Variants in SLC24A2 observed in about 807,000 individuals in gnomAD.
SLC24A2 encodes sodium/potassium/calcium exchanger 2.
A neutral mutation model predicts 62.0 loss-of-function variants in SLC24A2; 36 were observed. That is an observed-to-expected ratio of 0.58 (90% CI 0.44 to 0.77). The LOEUF is 0.77. Ranked by LOEUF, SLC24A2 falls within the 30% of genes least tolerant of loss-of-function variation. SLC24A2 has a pLI of 0.00. For missense variants in SLC24A2, 846 were observed against 817.9 expected (o/e 1.03, Z -0.42); for synonymous variants, 358 against 294.0 (o/e 1.22, Z -2.23).
the SLC24A2 span, among the ~76,000 whole-genome samples, chr9:20,249,988 A>G: frequency 2.0e-5 from 3 of 152,338 alleles, no homozygotes; most frequent in African/African-American, 4.8e-5. Context: ...GAAAATTTAC[A>G]TTTATAAATT....
At chr9:19,867,734 C>T in the SLC24A2 span, among the ~76,000 whole-genome samples, 10 of 152,096 alleles carry the variant, frequency 6.6e-5, no homozygotes, top group African/African-American at 2.2e-4. Context: ...ATGGTGAAAC[C>T]CCGTCTCTAC....
the SLC24A2 span, among the ~76,000 whole-genome samples, chr9:20,215,838 G>A: frequency 6.6e-6 from 1 of 151,708 alleles, no homozygotes; most frequent in African/African-American, 2.4e-5. Flanking sequence ...TTTGGTCCAA[G>A]GAGTGAGCAC....
chr9:19,561,814 T>A (rs1245852280), intron 7 of SLC24A2, among the ~76,000 whole-genome samples: 2 of 152,144 alleles, frequency 1.3e-5, no homozygotes, highest in Non-Finnish European at 2.9e-5. Flanking sequence ...CATCATATGG[T>A]TTGTTTTATA....
chr9:19,668,724 C>T (rs1260318265), intron 2 of SLC24A2, among the ~76,000 whole-genome samples: 1 of 152,204 alleles, frequency 6.6e-6, no homozygotes, highest in Non-Finnish European at 1.5e-5. Context: ...GATATCTTCA[C>T]ACACAGATAC....
chr9:20,025,524 GTAA>G, the SLC24A2 span, among the ~76,000 whole-genome samples: 1 of 152,258 alleles, frequency 6.6e-6, no homozygotes, highest in African/African-American at 2.4e-5. Context: ...CTCCCTGGTA[GTAA>G]TAATAATAAT....
the SLC24A2 span, among the ~76,000 whole-genome samples, chr9:20,047,585 G>A: frequency 2.1e-5 from 3 of 140,900 alleles, no homozygotes; most frequent in Non-Finnish European, 4.8e-5. Context: ...CCTCCATGAG[G>A]AAGTGGGCCC....
At chr9:19,945,395 C>T in the SLC24A2 span, among the ~76,000 whole-genome samples, 2 of 152,108 alleles carry the variant, frequency 1.3e-5, no homozygotes, top group African/African-American at 2.4e-5. Context: ...GGACTCCTTT[C>T]GTGTAAAAAC....
intron 2 of SLC24A2, among the ~76,000 whole-genome samples, chr9:19,783,533 C>T (rs1400327873): frequency 6.6e-6 from 1 of 152,142 alleles, no homozygotes; most frequent in Non-Finnish European, 1.5e-5. Flanking sequence ...TAGATGACCA[C>T]ACTCCAGGAT....
At chr9:20,285,166 A>T in the SLC24A2 span, among the ~76,000 whole-genome samples, 1 of 152,200 alleles carries the variant, frequency 6.6e-6, no homozygotes, top group African/African-American at 2.4e-5. Context: ...CCTGTTACCG[A>T]CTGAATCATG....
At chr9:20,202,775 A>G in the SLC24A2 span, among the ~76,000 whole-genome samples, 1 of 152,208 alleles carries the variant, frequency 6.6e-6, no homozygotes, top group East Asian at 1.9e-4. Flanking sequence ...ACAAAATGTA[A>G]TTATAATAAA....
At chr9:19,990,600 A>G in the SLC24A2 span, among the ~76,000 whole-genome samples, 161 of 143,604 alleles carry the variant, frequency 1.1e-3, 2 homozygotes, top group African/African-American at 4.1e-3. Context: ...ACAGAGCAAG[A>G]CTCCACCTAA....
chr9:19,947,009 A>C, the SLC24A2 span, among the ~76,000 whole-genome samples: 1 of 152,224 alleles, frequency 6.6e-6, no homozygotes, highest in Non-Finnish European at 1.5e-5. Flanking sequence ...GTCAATAGCA[A>C]GCTCCCAGTA....
chr9:20,026,248 T>C, the SLC24A2 span, among the ~76,000 whole-genome samples: 4 of 152,180 alleles, frequency 2.6e-5, no homozygotes, highest in Admixed American at 2.0e-4. Context: ...GAAAACTGGA[T>C]AGCACAGGCC....
upstream of SLC24A2, among the ~76,000 whole-genome samples, chr9:19,791,852 A>G (rs1823323866): frequency 6.6e-6 from 1 of 152,222 alleles, no homozygotes; most frequent in Non-Finnish European, 1.5e-5. Context: ...ACTTCTTTAT[A>G]TTTGTAGATA....
At chr9:19,593,459 A>G (rs1047516078) in intron 5 of SLC24A2, among the ~76,000 whole-genome samples, 6 of 152,166 alleles carry the variant, frequency 3.9e-5, no homozygotes, top group Non-Finnish European at 7.4e-5. Context: ...TGAGGGAGAC[A>G]GGGGAGGGGG....
At chr9:19,941,953 A>G in the SLC24A2 span, among the ~76,000 whole-genome samples, 8 of 152,194 alleles carry the variant, frequency 5.3e-5, no homozygotes, top group Non-Finnish European at 8.8e-5. Context: ...GATTTCCCTC[A>G]AAAGATAAAA....
At chr9:19,642,665 C>A (rs7044000) in intron 2 of SLC24A2, among the ~76,000 whole-genome samples, 72,239 of 129,858 alleles carry the variant, frequency 0.56, 20,980 homozygotes, top group East Asian at 0.83. Flanking sequence ...TATATGAGAG[C>A]GTATTCTTTT....
At chr9:20,186,075 G>T in the SLC24A2 span, among the ~76,000 whole-genome samples, 6 of 152,032 alleles carry the variant, frequency 3.9e-5, no homozygotes, top group African/African-American at 1.4e-4. Context: ...CCATGATGAG[G>T]CTTCCTTAGC....
At chr9:20,123,667 A>G in the SLC24A2 span, among the ~76,000 whole-genome samples, 2 of 152,216 alleles carry the variant, frequency 1.3e-5, no homozygotes, top group African/African-American at 2.4e-5. Context: ...GAGCTAATAT[A>G]AGCAAAGTGC....
Sources: gnomAD v4.1 joint callset for allele counts (sites outside exome capture counted in the v4.1 genomes callset) on GRCh38, gnomAD v4.1.1 for gene constraint, MANE v1.5 for transcripts, NCBI Gene and HGNC (gene_info 2026-07-23, HGNC 2026-07-21) for gene names.